Variants in LIMCH1 observed in about 807,000 individuals in gnomAD.
LIMCH1 encodes LIM and calponin homology domains 1.
In LIMCH1, 113 loss-of-function variants were observed where a neutral mutation model predicts 176.5. The ratio of observed to expected loss-of-function variants is 0.64; its 90% CI spans 0.55 to 0.75. LIMCH1 has a LOEUF of 0.75. Ranked by LOEUF, LIMCH1 falls within the 30% of genes least tolerant of loss-of-function variation. The pLI, the probability that LIMCH1 is intolerant of heterozygous loss-of-function variation, is 0.00. For missense variants in LIMCH1, 1,674 were observed against 1,814.9 expected (o/e 0.92, Z 1.41); for synonymous variants, 619 against 645.9 (o/e 0.96, Z 0.63).
chr4:41,610,667 A>T (rs1167199837), intron 4 of LIMCH1, among the ~76,000 whole-genome samples: 1 of 152,162 alleles, frequency 6.6e-6, no homozygotes, highest in Non-Finnish European at 1.5e-5. Flanking sequence ...TATTAGTCCC[A>T]TTTTACAGAT....
At chr4:41,690,254 C>A (rs1046878072) in intron 30 of LIMCH1, among the ~76,000 whole-genome samples, 2 of 152,158 alleles carry the variant, frequency 1.3e-5, no homozygotes, top group African/African-American at 2.4e-5. Context: ...TCCGTAAGGG[C>A]AGGGACCATG....
At chr4:41,472,509 T>A (rs2067124515) in intron 1 of LIMCH1, among the ~76,000 whole-genome samples, 1 of 152,114 alleles carries the variant, frequency 6.6e-6, no homozygotes. Context: ...AACCTTTGCC[T>A]CTTGGGCCCA....
At chr4:41,626,104 TAAGCTTCCTG>T (rs1422031223) in intron 7 of LIMCH1, among the ~76,000 whole-genome samples, 1 of 152,176 alleles carries the variant, frequency 6.6e-6, no homozygotes, top group Non-Finnish European at 1.5e-5. Flanking sequence ...CAGGGCAAGA[TAAGCTTCCTG>T]GGAGTGGAGG....
chr4:41,455,094 A>G (rs2064409453), intron 1 of LIMCH1, among the ~76,000 whole-genome samples: 1 of 152,140 alleles, frequency 6.6e-6, no homozygotes. Flanking sequence ...GGGTTTGAGT[A>G]TTATAAATAT....
intron 1 of LIMCH1, among the ~76,000 whole-genome samples, chr4:41,457,621 T>C (rs1422783423): frequency 1.3e-5 from 2 of 152,164 alleles, no homozygotes; most frequent in African/African-American, 4.8e-5. Flanking sequence ...CACTCAGTGC[T>C]GGGGCTGAGT....
chr4:41,417,484 G>T, intron 1 of LIMCH1, among the ~76,000 whole-genome samples: 1 of 152,136 alleles, frequency 6.6e-6, no homozygotes, highest in Non-Finnish European at 1.5e-5. Context: ...ATCCATCCAA[G>T]AATTAGTAGT....
At chr4:41,643,622 A>C (rs2093928977) in intron 14 of LIMCH1, among the ~76,000 whole-genome samples, 1 of 152,198 alleles carries the variant, frequency 6.6e-6, no homozygotes, top group Admixed American at 6.5e-5. Context: ...AAAACATATA[A>C]ATTATATGTA....
chr4:41,424,733 T>A (rs892060122), intron 1 of LIMCH1, among the ~76,000 whole-genome samples: 2 of 152,232 alleles, frequency 1.3e-5, no homozygotes, highest in African/African-American at 4.8e-5. Flanking sequence ...GGTTTTGGAA[T>A]TGTAGACCAT....
chr4:41,408,141 G>A (rs1385982824), intron 1 of LIMCH1, among the ~76,000 whole-genome samples: 4 of 152,164 alleles, frequency 2.6e-5, no homozygotes, highest in African/African-American at 9.7e-5. Context: ...ATGGAAGGCA[G>A]CAAAGTGAAC....
intron 1 of LIMCH1, among the ~76,000 whole-genome samples, chr4:41,424,923 C>T (rs933343470): frequency 1.3e-5 from 2 of 152,136 alleles, no homozygotes; most frequent in African/African-American, 2.4e-5. Context: ...GAAGGAAAAT[C>T]GTCTTTGGTC....
At chr4:41,454,901 G>A (rs2064350789) in intron 1 of LIMCH1, among the ~76,000 whole-genome samples, 1 of 151,668 alleles carries the variant, frequency 6.6e-6, no homozygotes, top group Non-Finnish European at 1.5e-5. Context: ...CACAGAAAAT[G>A]TATACCTGAG....
chr4:41,545,284 C>T (rs1403366739), intron 1 of LIMCH1, among the ~76,000 whole-genome samples: 7 of 152,094 alleles, frequency 4.6e-5, no homozygotes, highest in Non-Finnish European at 2.9e-5. Context: ...GTGTTTGAGT[C>T]GGAAGAGAAA....
At chr4:41,546,810 C>T (rs1189362062) in intron 1 of LIMCH1, among the ~76,000 whole-genome samples, 15 of 151,756 alleles carry the variant, frequency 9.9e-5, no homozygotes, top group African/African-American at 3.4e-4. Context: ...CACAGAAATG[C>T]CAAGGATTCC....
chr4:41,439,128 C>G (rs2062425477), intron 1 of LIMCH1, among the ~76,000 whole-genome samples: 3 of 152,198 alleles, frequency 2.0e-5, no homozygotes, highest in Admixed American at 6.5e-5. Flanking sequence ...TTCTTATTCT[C>G]TCCAGGACAA....
At chr4:41,415,933 C>T (rs1317965139) in intron 1 of LIMCH1, among the ~76,000 whole-genome samples, 1 of 151,568 alleles carries the variant, frequency 6.6e-6, no homozygotes, top group East Asian at 1.9e-4. Context: ...GCCAAGATCA[C>T]GCCATTGCAC....
chr4:41,583,342 C>A (rs2085864215), intron 1 of LIMCH1, among the ~76,000 whole-genome samples: 1 of 152,140 alleles, frequency 6.6e-6, no homozygotes, highest in Admixed American at 6.5e-5. Context: ...CTCCTCTCTT[C>A]CCCCCTCCAT....
intron 1 of LIMCH1, among the ~76,000 whole-genome samples, chr4:41,401,556 C>T (rs1184947490): frequency 6.6e-6 from 1 of 151,940 alleles, no homozygotes; most frequent in Admixed American, 6.6e-5. Flanking sequence ...TAGTTTTTTC[C>T]AATTCTGTGA....
At chr4:41,662,625 G>A (rs1208591833) in intron 19 of LIMCH1, among the ~76,000 whole-genome samples, 196 bp from the exon 20 acceptor site, 2 of 152,174 alleles carry the variant, frequency 1.3e-5, no homozygotes. Context: ...GTTGCTTGTT[G>A]TTCAATACCA....
intron 22 of LIMCH1, among the ~76,000 whole-genome samples, chr4:41,673,945 C>T (rs2095134206): frequency 6.6e-6 from 1 of 152,182 alleles, no homozygotes. Context: ...TTCCACTCCA[C>T]ACACACTCAG....
Sources: gnomAD v4.1 joint callset for allele counts (sites outside exome capture counted in the v4.1 genomes callset) on GRCh38, gnomAD v4.1.1 for gene constraint, MANE v1.5 for transcripts, NCBI Gene and HGNC (gene_info 2026-07-23, HGNC 2026-07-21) for gene names.